Variants in GAREM1 observed in about 807,000 individuals in gnomAD.
GAREM1 encodes the protein GRB2 associated regulator of MAPK1 subtype 1, also known as GRB2-associated and regulator of MAPK protein 1.
GAREM1 carries 26 observed loss-of-function variants against 71.3 expected under a neutral mutation model. The ratio of observed to expected loss-of-function variants is 0.36; its 90% CI spans 0.27 to 0.51. GAREM1 has a LOEUF of 0.51. GAREM1 is among the 20% of genes least tolerant of loss of function. GAREM1 has a pLI of 0.95. For missense variants in GAREM1, 1,026 were observed against 1,103.1 expected (o/e 0.93, Z 0.99); for synonymous variants, 440 against 433.2 (o/e 1.02, Z -0.20).
chr18:32,441,733 A>G (rs1449178413), intron 1 of GAREM1, among the ~76,000 whole-genome samples: 3 of 152,152 alleles, frequency 2.0e-5, no homozygotes, highest in Non-Finnish European at 4.4e-5. Flanking sequence ...CAACCCACAC[A>G]GCAAATCTCT....
At chr18:32,436,012 C>A (rs2048673755) in intron 1 of GAREM1, among the ~76,000 whole-genome samples, 1 of 152,142 alleles carries the variant, frequency 6.6e-6, no homozygotes, top group African/African-American at 2.4e-5. Flanking sequence ...ATATTTACTG[C>A]ATCTGATGAA....
intron 2 of GAREM1, among the ~76,000 whole-genome samples, chr18:32,324,610 C>G (rs551657174): frequency 6.6e-6 from 1 of 152,344 alleles, no homozygotes; most frequent in South Asian, 2.1e-4. Flanking sequence ...GATAGGAGGA[C>G]AGTCCAAATT....
intron 1 of GAREM1, among the ~76,000 whole-genome samples, chr18:32,442,613 T>C (rs2048749365): frequency 1.3e-5 from 2 of 152,190 alleles, no homozygotes; most frequent in Admixed American, 6.5e-5. Flanking sequence ...ATTGTGAAGT[T>C]GCCAGAACTC....
intron 1 of GAREM1, among the ~76,000 whole-genome samples, chr18:32,467,188 C>T (rs962571349): frequency 6.6e-6 from 1 of 152,162 alleles, no homozygotes; most frequent in Non-Finnish European, 1.5e-5. Context: ...TCTTCTTCCC[C>T]ACTGCCTCTT....
At chr18:32,389,128 C>T (rs1032142844) in intron 2 of GAREM1, among the ~76,000 whole-genome samples, 1 of 151,754 alleles carries the variant, frequency 6.6e-6, no homozygotes, top group Admixed American at 6.6e-5. Context: ...TGGGTAAAAC[C>T]GGGGAAATGG....
intron 4 of GAREM1, among the ~76,000 whole-genome samples, chr18:32,273,197 T>C (rs1478842443): frequency 6.6e-6 from 1 of 152,166 alleles, no homozygotes; most frequent in Non-Finnish European, 1.5e-5. Context: ...GAGTGGAACA[T>C]GAGGAAAACA....
intron 1 of GAREM1, among the ~76,000 whole-genome samples, chr18:32,468,668 G>A (rs1317717254): frequency 6.6e-6 from 1 of 152,198 alleles, no homozygotes; most frequent in Non-Finnish European, 1.5e-5. Flanking sequence ...GTCGGAAAGT[G>A]AGATATTCCA....
chr18:32,340,881 C>G (rs1226865729), intron 2 of GAREM1, among the ~76,000 whole-genome samples: 22 of 152,110 alleles, frequency 1.4e-4, no homozygotes, highest in Admixed American at 1.4e-3. Context: ...AATCTCACCC[C>G]CTGAAGACTG....
intron 2 of GAREM1, among the ~76,000 whole-genome samples, chr18:32,311,226 T>C (rs1006614012): frequency 6.6e-6 from 1 of 152,216 alleles, no homozygotes; most frequent in Non-Finnish European, 1.5e-5. Flanking sequence ...GGATACAGTG[T>C]TTCTTAGTAG....
At chr18:32,270,899 T>G (rs1484447968) in intron 4 of GAREM1, among the ~76,000 whole-genome samples, 3 of 78,304 alleles carry the variant, frequency 3.8e-5, no homozygotes, top group Non-Finnish European at 2.5e-5. Context: ...TCAGGGATGT[T>G]TTTTTTTTTT....
intron 1 of GAREM1, among the ~76,000 whole-genome samples, chr18:32,455,369 A>C (rs774991246): frequency 3.9e-5 from 6 of 152,176 alleles, no homozygotes; most frequent in Non-Finnish European, 8.8e-5. Context: ...TTTCAAAGAA[A>C]GAGACACACA....
intron 4 of GAREM1, among the ~76,000 whole-genome samples, chr18:32,276,164 T>A (rs1264168433): frequency 6.6e-6 from 1 of 152,228 alleles, no homozygotes; most frequent in Non-Finnish European, 1.5e-5. Flanking sequence ...TTCATCCTCT[T>A]TAGTCAATGA....
chr18:32,331,386 G>A lies in GAREM1; in HGVS notation c.263-21063C>T, dbSNP rs576710601. On this transcript the variant is annotated intron_variant, in intron 2 of 5. Transcript: ENST00000269209. ...AAAAACTACTAAAATAGCTTTCAGC[G>A]ATTTATCCAAATGTATATTAAACTG... 1.1e-3 allele frequency among the ~76,000 whole-genome samples: 166 copies of A among 152,252 alleles called. 1 individual carries two copies. Among genetic ancestry groups the A allele is most frequent in the African/African-American group, 3.7e-3 (155 of 41,556 alleles).
Position 32,347,480 on chromosome 18 carries a change from G to T in GAREM1, c.263-37157C>A, listed in dbSNP as rs114200942. ...TCTAATACTCTAGTTGGCTGCTTGG[G>T]AACAAAGGAAGAAACTGGAGTTCAT... On this transcript the variant is annotated intron_variant, in intron 2 of 5. Transcript: ENST00000269209. 8.6e-3 allele frequency among the ~76,000 whole-genome samples: 1,302 copies of T among 152,278 alleles called. 20 individuals are homozygous for T. The highest frequency in any genetic ancestry group is 0.03 in the African/African-American group (1,234 of 41,564).
At chr18:32,440,297 C>T (rs946627873) in intron 1 of GAREM1, among the ~76,000 whole-genome samples, 3 of 152,144 alleles carry the variant, frequency 2.0e-5, no homozygotes, top group Admixed American at 2.0e-4. Context: ...ACGGCTTCTA[C>T]ATGACTCTAA....
At chr18:32,309,407 A>G (rs1465626849) in intron 3 of GAREM1, among the ~76,000 whole-genome samples, 1 of 148,844 alleles carries the variant, frequency 6.7e-6, no homozygotes, top group Non-Finnish European at 1.5e-5. Context: ...CGAGGTCAGG[A>G]GCTTGAGACC....
intron 2 of GAREM1, among the ~76,000 whole-genome samples, chr18:32,357,885 C>T (rs923484489): frequency 2.6e-5 from 4 of 152,098 alleles, no homozygotes; most frequent in South Asian, 4.1e-4. Context: ...CACACATACC[C>T]GAATTAGTGG....
intron 1 of GAREM1, among the ~76,000 whole-genome samples, chr18:32,418,664 T>A (rs1367979841): frequency 6.6e-6 from 1 of 152,060 alleles, no homozygotes; most frequent in Non-Finnish European, 1.5e-5. Flanking sequence ...ATACCAAGTA[T>A]CATAATACAA....
chr18:32,443,314 T>C (rs924453291), intron 1 of GAREM1, among the ~76,000 whole-genome samples: 1 of 152,154 alleles, frequency 6.6e-6, no homozygotes, highest in African/African-American at 2.4e-5. Context: ...ATTAAAATTT[T>C]TGTGCTTCAA....
Sources: allele counts gnomAD v4.1 joint callset (sites outside exome capture counted in the v4.1 genomes callset), GRCh38; gene constraint gnomAD v4.1.1; transcripts MANE v1.5; gene names NCBI Gene and HGNC (gene_info 2026-07-23, HGNC 2026-07-21).